Variants in TRAPPC9 observed in about 807,000 individuals in gnomAD.
TRAPPC9 encodes trafficking protein particle complex subunit 9.
In TRAPPC9, 83 loss-of-function variants were observed where a neutral mutation model predicts 124.0. The observed-to-expected ratio is 0.67, with a 90% CI of 0.56 to 0.80. The LOEUF (loss-of-function observed/expected upper bound fraction) is 0.80, where lower values mean the gene tolerates loss of function less well. TRAPPC9 is among the 30% of genes least tolerant of loss of function. The pLI is 0.00. For synonymous variants in TRAPPC9, 638 were observed against 617.5 expected (o/e 1.03, Z -0.49); for missense variants, 1,302 against 1,508.3 (o/e 0.86, Z 2.27).
At chr8:140,456,790 C>T in intron 1 of TRAPPC9, 3 of 985,362 alleles carry the variant, frequency 3.0e-6, no homozygotes, top group Non-Finnish European at 3.6e-6. Flanking sequence ...GGAAGTCACT[C>T]CCCCATACCT....
chr8:140,106,780 A>G (rs2060674955), intron 17 of TRAPPC9, among the ~76,000 whole-genome samples: 2 of 152,214 alleles, frequency 1.3e-5, no homozygotes, highest in Non-Finnish European at 2.9e-5. Flanking sequence ...ACGAAGCAAG[A>G]TAGCCTATAT....
intron 17 of TRAPPC9, among the ~76,000 whole-genome samples, chr8:140,113,354 A>G (rs1294291278): frequency 6.6e-6 from 1 of 152,278 alleles, no homozygotes; most frequent in Non-Finnish European, 1.5e-5. Context: ...GACCATCAGG[A>G]AAGTGTCCAG....
intron 17 of TRAPPC9, among the ~76,000 whole-genome samples, chr8:140,199,413 A>T (rs2062738257): frequency 6.6e-6 from 1 of 152,092 alleles, no homozygotes; most frequent in South Asian, 2.1e-4. Flanking sequence ...AACCAACGTC[A>T]CTGGAGGAAA....
intron 17 of TRAPPC9, among the ~76,000 whole-genome samples, chr8:140,043,404 G>A (rs1841385230): frequency 6.6e-6 from 1 of 152,174 alleles, no homozygotes; most frequent in Non-Finnish European, 1.5e-5. Context: ...GGAAAATGAG[G>A]CTTAAAGAGC....
At chr8:140,384,291 T>G (rs200381397) in intron 7 of TRAPPC9, among the ~76,000 whole-genome samples, 1 of 151,240 alleles carries the variant, frequency 6.6e-6, no homozygotes, top group Non-Finnish European at 1.5e-5. Context: ...ATAATGACAG[T>G]ATCAAATTCC....
chr8:139,981,292 C>A (rs1281432108), intron 19 of TRAPPC9, among the ~76,000 whole-genome samples: 1 of 152,224 alleles, frequency 6.6e-6, no homozygotes, highest in Admixed American at 6.5e-5. Context: ...CACTAACTGA[C>A]CTCGGGTCTC....
At chr8:139,898,622 T>C (rs904924624) in intron 20 of TRAPPC9, among the ~76,000 whole-genome samples, 2 of 152,088 alleles carry the variant, frequency 1.3e-5, no homozygotes, top group Non-Finnish European at 2.9e-5. Flanking sequence ...CCACAAAGAT[T>C]ACACAGCACA....
chr8:139,898,991 G>A (rs1445327507), intron 20 of TRAPPC9, among the ~76,000 whole-genome samples: 1 of 151,572 alleles, frequency 6.6e-6, no homozygotes, highest in African/African-American at 2.4e-5. Context: ...ACGGTGGTGG[G>A]TGCCTGTCAT....
intron 17 of TRAPPC9, among the ~76,000 whole-genome samples, chr8:140,187,286 G>A (rs2062373748): frequency 6.6e-6 from 1 of 152,158 alleles, no homozygotes; most frequent in Admixed American, 6.5e-5. Flanking sequence ...ATACGCGGGG[G>A]CCTTGGAGCC....
At chr8:140,290,187 G>C (rs577679687) in intron 12 of TRAPPC9, among the ~76,000 whole-genome samples, 2 of 152,152 alleles carry the variant, frequency 1.3e-5, no homozygotes, top group Non-Finnish European at 2.9e-5. Flanking sequence ...CCTGGGGACC[G>C]ACACGTGGCA....
chr8:140,214,992 T>C (rs545732199), intron 17 of TRAPPC9, among the ~76,000 whole-genome samples: 1 of 152,294 alleles, frequency 6.6e-6, no homozygotes, highest in South Asian at 2.1e-4. Context: ...AGAAGGGCTC[T>C]GTAACAAGCT....
chr8:140,312,758 C>CTT lies in TRAPPC9; in HGVS notation c.1496-1386_1496-1385dup, dbSNP rs553049081. ...CCTACGCATTCTTCTTCTTCTTCTT[C>CTT]TTTTTTTTTTTTTTTTTTTGAAACA... On this transcript the variant is annotated intron_variant, in intron 9 of 22. Transcript: ENST00000438773. 2.2e-3 allele frequency among the ~76,000 whole-genome samples: 214 copies of CTT among 98,576 alleles called. 2 individuals carry two copies. Among genetic ancestry groups the CTT allele is most frequent in the African/African-American group, 6.9e-3 (160 of 23,108 alleles). The allele number at this position is 98,576 out of a possible 152,430, so 64.7% of individuals were successfully genotyped here.
At chr8:140,140,929 A>G (rs1300805572) in intron 17 of TRAPPC9, among the ~76,000 whole-genome samples, 1 of 152,146 alleles carries the variant, frequency 6.6e-6, no homozygotes, top group Non-Finnish European at 1.5e-5. Context: ...CCCTCGCAAT[A>G]CTAATCATAG....
At chr8:140,096,783 G>A (rs1844983444) in intron 17 of TRAPPC9, 1 of 152,222 alleles carries the variant, frequency 6.6e-6, no homozygotes, top group Non-Finnish European at 1.5e-5. Context: ...AGAAAATGCA[G>A]AAGCTGCCCT....
chr8:140,008,159 G>A (rs1838881362), intron 18 of TRAPPC9, among the ~76,000 whole-genome samples: 1 of 152,240 alleles, frequency 6.6e-6, no homozygotes, highest in South Asian at 2.1e-4. Context: ...CAATAGGTAA[G>A]GGATGGGATG....
intron 1 of TRAPPC9, among the ~76,000 whole-genome samples, chr8:140,455,981 G>T (rs185591652): frequency 3.3e-5 from 5 of 152,246 alleles, no homozygotes; most frequent in Admixed American, 3.3e-4. Context: ...TATATATATC[G>T]AAAGTAAACC....
intron 17 of TRAPPC9, among the ~76,000 whole-genome samples, chr8:140,072,565 GAGAAAGGAAGGAGGAGGAGGAGAAGGGA>G: frequency 2.9e-5 from 1 of 34,212 alleles, no homozygotes; most frequent in Non-Finnish European, 6.8e-5. Context: ...GGAGGAGGAG[GAGAAAGGAAGGAGGAGGAGGAGAAGGGA>G]AGGAGGAGGA....
At position 139,815,793 on chromosome 8, in the gene TRAPPC9, G is replaced by A. The variant is rs1004807076; in HGVS notation, c.3055+70086C>T. On this transcript the variant is annotated intron_variant, in intron 21 of 22. Coordinates refer to ENST00000438773, the MANE Select transcript of TRAPPC9 (RefSeq NM_001160372.4). Reference sequence around the variant, plus strand: ...GGAAGGTGGGGTGAGCAGTGGCTCCGGGGATCACCAGCAGGGGAACACACA... The same window carrying A: ...GGAAGGTGGGGTGAGCAGTGGCTCCAGGGATCACCAGCAGGGGAACACACA... Among the ~76,000 whole-genome samples, 46 of 152,326 alleles carry A rather than the reference G, an allele frequency of 3.0e-4. 1 individual carries two copies. Among genetic ancestry groups the A allele is most frequent in the Middle Eastern group, 3.4e-3 (1 of 294 alleles).
At chr8:140,321,335 C>T (rs1588147897) in intron 9 of TRAPPC9, among the ~76,000 whole-genome samples, 3 of 152,360 alleles carry the variant, frequency 2.0e-5, no homozygotes, top group Admixed American at 1.3e-4. Flanking sequence ...CTCCCCCTCG[C>T]TTGTTCCCAT....
Sources: gnomAD v4.1 joint callset for allele counts (sites outside exome capture counted in the v4.1 genomes callset) on GRCh38, gnomAD v4.1.1 for gene constraint, MANE v1.5 for transcripts, NCBI Gene and HGNC (gene_info 2026-07-23, HGNC 2026-07-21) for gene names.